Variants in LYN observed in about 807,000 individuals in gnomAD.
LYN encodes the protein LYN proto-oncogene, Src family tyrosine kinase, also known as tyrosine-protein kinase Lyn.
LYN carries 12 observed loss-of-function variants against 65.0 expected under a neutral mutation model. The ratio of observed to expected loss-of-function variants is 0.18; its 90% CI spans 0.12 to 0.30. The LOEUF (loss-of-function observed/expected upper bound fraction) is 0.30, where lower values mean the gene tolerates loss of function less well. LYN is among the 10% of genes least tolerant of loss of function. The pLI, the probability that LYN is intolerant of heterozygous loss-of-function variation, is 1.00. For missense variants in LYN, 380 were observed against 623.2 expected (o/e 0.61, Z 4.16); for synonymous variants, 222 against 221.2 (o/e 1.00, Z -0.03).
intron 2 of LYN, among the ~76,000 whole-genome samples, chr8:55,943,533 G>A (rs1222481847): frequency 4.9e-5 from 7 of 141,470 alleles, no homozygotes; most frequent in African/African-American, 1.3e-4. Flanking sequence ...CCGAGATTGC[G>A]CTACTGCACT....
At chr8:55,979,851 G>A (rs910298954) in intron 10 of LYN, among the ~76,000 whole-genome samples, 2 of 152,172 alleles carry the variant, frequency 1.3e-5, no homozygotes, top group East Asian at 1.9e-4. Flanking sequence ...CAGCATCTCC[G>A]GGGCTGCCAG....
At chr8:55,913,784 C>T (rs1000185972) in intron 1 of LYN, among the ~76,000 whole-genome samples, 16 of 152,116 alleles carry the variant, frequency 1.1e-4, no homozygotes, top group African/African-American at 3.9e-4. Flanking sequence ...TGTGAAATGG[C>T]TGATTTGAAA....
chr8:56,010,205 G>A lies in LYN; in HGVS notation c.*95G>A, dbSNP rs1311428732. The A allele has an allele frequency of 7.9e-7, 1 of 1,264,500 alleles. No individual in the cohort carries two copies. Among genetic ancestry groups the A allele is most frequent in the Non-Finnish European group, 1.1e-6 (1 of 882,210 alleles). The allele number at this position is 1,264,500 out of a possible 1,614,324, so 78.3% of individuals were successfully genotyped here. A position where few individuals can be genotyped will look rare whatever the true frequency, so the allele number is the denominator to read the frequency against. On this transcript the variant is annotated 3_prime_UTR_variant, in exon 13 of 13. Coordinates refer to ENST00000519728, the MANE Select transcript of LYN (RefSeq NM_002350.4). ...GTTGCACTTATGATTTCATGTGCGG[G>A]GATCATCTGCCGTGCCTGGATCCTG...
rs1424963134 is a variant in LYN, at chr8:55,879,954, C to T, written c.-155C>T. The T allele has an allele frequency of 1.3e-5, 3 of 226,078 alleles. No homozygotes were observed. Among genetic ancestry groups the T allele is most frequent in the Admixed American group, 5.2e-5 (1 of 19,396 alleles). The allele number at this position is 226,078 out of a possible 1,614,324, so 14.0% of individuals were successfully genotyped here. A position where few individuals can be genotyped will look rare whatever the true frequency, so the allele number is the denominator to read the frequency against. ...GCGGGGCGGCCGCGCCACCCCCGGC[C>T]CCGCGCCAGCAGCCCCTCGCCGCGC... On this transcript the variant is annotated 5_prime_UTR_variant, in exon 1 of 13. Transcript: ENST00000519728.
chr8:56,006,172 A>C (rs1808669283), intron 12 of LYN, among the ~76,000 whole-genome samples: 1 of 151,998 alleles, frequency 6.6e-6, no homozygotes, highest in African/African-American at 2.4e-5. Context: ...AAAGTGAAAA[A>C]ATTTTCTGAA....
intron 8 of LYN, among the ~76,000 whole-genome samples, chr8:55,954,376 T>A (rs1342200096): frequency 6.6e-6 from 1 of 152,206 alleles, no homozygotes; most frequent in Non-Finnish European, 1.5e-5. Context: ...CCTCAATGTA[T>A]TACAATTTGA....
At chr8:55,928,967 G>T (rs1806188484) in intron 1 of LYN, among the ~76,000 whole-genome samples, 1 of 151,968 alleles carries the variant, frequency 6.6e-6, no homozygotes, top group South Asian at 2.1e-4. Context: ...GTAAGATCCG[G>T]GTCTAGATTA....
intron 1 of LYN, among the ~76,000 whole-genome samples, chr8:55,904,832 G>A (rs1057086131): frequency 3.3e-5 from 5 of 152,130 alleles, no homozygotes; most frequent in African/African-American, 9.7e-5. Context: ...GTTTGGCAAG[G>A]TTCCCTACAT....
intron 1 of LYN, among the ~76,000 whole-genome samples, chr8:55,906,725 GAAAAAAA>G (rs11417225): frequency 1.4e-5 from 2 of 138,228 alleles, no homozygotes; most frequent in South Asian, 4.6e-4. Flanking sequence ...AAAAGAAAAA[GAAAAAAA>G]AAAGAGAGAG....
In LYN at chr8:55,922,999, A is replaced by G. The variant is rs142035525; in HGVS notation, c.-5-18856A>G. Reference sequence around the variant, plus strand: ...TGCTCCATGCCTTTCCGAGCCTAGAATCCAAGTGCAATTATATCGCAAAAC... The same window carrying G: ...TGCTCCATGCCTTTCCGAGCCTAGAGTCCAAGTGCAATTATATCGCAAAAC... On this transcript the variant is annotated intron_variant, in intron 1 of 12. Coordinates refer to ENST00000519728, the MANE Select transcript of LYN (RefSeq NM_002350.4). Among the ~76,000 whole-genome samples, 406 of 152,296 alleles carry G rather than the reference A, an allele frequency of 2.7e-3. 1 individual carries two copies. Among genetic ancestry groups the G allele is most frequent in the African/African-American group, 9.1e-3 (380 of 41,546 alleles).
chr8:55,981,525 A>T (rs961540343), intron 10 of LYN, among the ~76,000 whole-genome samples: 22 of 152,194 alleles, frequency 1.4e-4, no homozygotes, highest in South Asian at 4.2e-4. Context: ...GTTTAAAAAA[A>T]TTTTTTTTAA....
At chr8:55,935,545 G>A (rs1019876906) in intron 1 of LYN, among the ~76,000 whole-genome samples, 9 of 152,106 alleles carry the variant, frequency 5.9e-5, no homozygotes, top group Non-Finnish European at 1.0e-4. Flanking sequence ...AGGCCGAGGC[G>A]GGTGTATCAC....
intron 1 of LYN, among the ~76,000 whole-genome samples, chr8:55,928,095 T>C (rs903635779): frequency 1.3e-5 from 2 of 152,152 alleles, no homozygotes; most frequent in Non-Finnish European, 2.9e-5. Context: ...GTGTTTTAGA[T>C]TTTTCCTGTT....
At position 55,917,174 on chromosome 8, in the gene LYN, T is replaced by A. The variant is rs535400218; in HGVS notation, c.-5-24681T>A. Among the ~76,000 whole-genome samples the A allele has an allele frequency of 2.4e-3, 328 of 135,666 alleles. 1 individual carries two copies. The highest frequency in any genetic ancestry group is 8.1e-3 in the African/African-American group (302 of 37,360). The allele number at this position is 135,666 out of a possible 152,430, so 89.0% of individuals were successfully genotyped here. On this transcript the variant is annotated intron_variant, in intron 1 of 12. Transcript: ENST00000519728. ...CTGGGTGATAGAGTGAGATTCTGTC[T>A]AAAAAAAAAAAAAAAGAGAGAGAGA...
chr8:55,979,132 G>C (rs573483367), intron 10 of LYN, among the ~76,000 whole-genome samples: 1 of 130,666 alleles, frequency 7.7e-6, no homozygotes, highest in African/African-American at 3.0e-5. Context: ...TGCAACCTCC[G>C]CCTCCCAGGC....
chr8:55,942,675 C>G (rs1481914626), intron 2 of LYN, among the ~76,000 whole-genome samples: 2 of 150,878 alleles, frequency 1.3e-5, no homozygotes, highest in East Asian at 3.9e-4. Flanking sequence ...ATCCCAGCTA[C>G]TCAGGAGGCT....
chr8:55,965,986 G>A (rs191905755), intron 8 of LYN, among the ~76,000 whole-genome samples: 35 of 152,160 alleles, frequency 2.3e-4, no homozygotes, highest in Non-Finnish European at 4.6e-4. Context: ...TTAGCCAGGT[G>A]TGGTGGTGGG....
intron 1 of LYN, among the ~76,000 whole-genome samples, chr8:55,938,346 AT>A (rs530357666): frequency 3.2e-4 from 49 of 152,324 alleles, no homozygotes; most frequent in South Asian, 8.3e-4. Flanking sequence ...CGCATAAAAT[AT>A]GTCTTTATTT....
chr8:55,989,946 A>C (rs1299142135), intron 10 of LYN, among the ~76,000 whole-genome samples: 2 of 152,140 alleles, frequency 1.3e-5, no homozygotes, highest in African/African-American at 4.8e-5. Context: ...GGATTCAAAA[A>C]TTTCCTGATT....
Sources: gnomAD v4.1 joint callset for allele counts (sites outside exome capture counted in the v4.1 genomes callset) on GRCh38, gnomAD v4.1.1 for gene constraint, MANE v1.5 for transcripts, NCBI Gene and HGNC (gene_info 2026-07-23, HGNC 2026-07-21) for gene names.